C20orf96: variants seen among roughly 807,000 people sequenced by gnomAD.
The protein encoded by C20orf96 is uncharacterized protein C20orf96.
A neutral mutation model predicts 52.6 loss-of-function variants in C20orf96; 57 were observed. The ratio of observed to expected loss-of-function variants is 1.08; its 90% CI spans 0.88 to 1.35. The LOEUF is 1.35. Among genes scored for constraint, C20orf96 ranks in the 40% most tolerant of loss-of-function variants. The probability of loss-of-function intolerance (pLI) is 0.00; values close to 1 mark genes in which losing one functional copy is unlikely to be tolerated. For synonymous variants in C20orf96, 168 were observed against 157.2 expected, an observed-to-expected ratio of 1.07 and a Z score of -0.51; for missense variants, 478 against 443.6, an observed-to-expected ratio of 1.08 and a Z score of -0.70.
chr20:290,484 A>G (rs1230007475), intron 1 of C20orf96, 107 bp downstream of exon 1: 1 of 1,483,602 alleles, frequency 6.7e-7, no homozygotes. Flanking sequence ...CGGGGGTCAG[A>G]AGACCGAGGG....
In C20orf96 at chr20:279,205, C is replaced by A. The variant is rs1600187226; in HGVS notation, c.432G>T (p.Val144=). 1 of 1,606,536 alleles carries A rather than the reference C, an allele frequency of 6.2e-7. No homozygotes were observed. The highest frequency in any genetic ancestry group is 8.5e-7 in the Non-Finnish European group (1 of 1,178,016). ...TGTCCTGCTGCTGCAGCAGGGCCCGCACGTGCAGGGTCGTGCTGTTCTCCA... is the reference window on the plus strand; with the variant it reads ...TGTCCTGCTGCTGCAGCAGGGCCCGAACGTGCAGGGTCGTGCTGTTCTCCA... The part of the protein sequence containing the change: ...QEMENSTTLH[V]RALLQQQDTL... The change falls in exon 5 of 11, where the codon GTG becomes GTT. Residue 144 remains valine (V), a synonymous_variant. Coordinates refer to ENST00000360321, the MANE Select transcript of C20orf96 (RefSeq NM_153269.3).
Position 278,385 on chromosome 20 carries a change from C to T in C20orf96, c.510G>A (p.Gln170=). 1 of 1,614,022 alleles carries T rather than the reference C, an allele frequency of 6.2e-7. No individual in the cohort carries two copies. The highest frequency in any genetic ancestry group is 1.7e-4 in the Middle Eastern group (1 of 6,060). The change falls in exon 6 of 11, where the codon CAG becomes CAA. Residue 170 remains glutamine (Q), a synonymous_variant. Coordinates refer to ENST00000360321, the MANE Select transcript of C20orf96 (RefSeq NM_153269.3). ...ILEYSNKKRL[Q]QLKSELQEWE... ...ACTCCTGAAGCTCAGATTTCAATTG[C>T]TGCAGCCTCTTCTTGTTTGAGTACT...
Position 279,279 on chromosome 20 carries a change from TC to T in C20orf96, c.357del (p.Asn120ThrfsTer10), listed in dbSNP as rs752380206. 6.2e-7 allele frequency: 1 copy of T among 1,609,966 alleles called. No homozygotes were observed. The highest frequency in any genetic ancestry group is 1.1e-5 in the South Asian group (1 of 91,030). ...RAALRELRSR[E>X]NFLSKLNREL... ...TCCCGGTTGAGCTTGCTGAGGAAGT[TC>T]TCACGGCTTCGGAGCTCTCGCAGAG... On this transcript the variant is annotated frameshift_variant, in exon 5 of 11. Coordinates refer to ENST00000360321, the MANE Select transcript of C20orf96 (RefSeq NM_153269.3). LOFTEE classifies it high-confidence loss of function.
chr20:290,189 G>C (rs2012500669), intron 2 of C20orf96, 70 bp downstream of exon 2: 2 of 1,231,054 alleles, frequency 1.6e-6, no homozygotes, highest in Non-Finnish European at 1.2e-6. Flanking sequence ...TCACGACCGT[G>C]AGAGTGGAGA....
rs549797796 is a variant in C20orf96, at chr20:274,329, GGTGA to G, written c.1031+1635_1031+1638del. On this transcript the variant is annotated intron_variant, in intron 10 of 10. Transcript: ENST00000360321. Reference sequence around the variant, plus strand: ...GGAAAGGGGGTATGACCACCAGAATGGTGAGTGTGAGGAGAGGAAGGGGACACAG... The same window carrying G: ...GGAAAGGGGGTATGACCACCAGAATGGTGTGAGGAGAGGAAGGGGACACAG... 1.9e-3 allele frequency among the ~76,000 whole-genome samples: 283 copies of G among 152,188 alleles called. 1 individual carries two copies. Among genetic ancestry groups the G allele is most frequent in the Non-Finnish European group, 3.3e-3 (223 of 68,004 alleles).
At chr20:276,335 C>A (rs548543406) in intron 9 of C20orf96, 1 of 985,174 alleles carries the variant, frequency 1.0e-6, no homozygotes, top group South Asian at 4.7e-5. Context: ...TACAAAGTGG[C>A]GGGGAATGCT....
chr20:288,566 C>G (rs1055075866), intron 3 of C20orf96, among the ~76,000 whole-genome samples: 1 of 152,176 alleles, frequency 6.6e-6, no homozygotes, highest in East Asian at 1.9e-4. Flanking sequence ...CTCCCCTCCC[C>G]CAGCCTACCT....
At chr20:276,688 C>T (rs1047111536) in intron 9 of C20orf96, 105 bp downstream of exon 9, 25 of 1,521,780 alleles carry the variant, frequency 1.6e-5, no homozygotes, top group African/African-American at 2.8e-5. Flanking sequence ...AGTCAGAGAC[C>T]TCCTGAGCGC....
intron 10 of C20orf96, 131 bp downstream of exon 10, chr20:275,837 A>G: frequency 1.2e-6 from 1 of 840,530 alleles, no homozygotes; most frequent in Non-Finnish European, 2.0e-6. Context: ...CAAGGTGGAA[A>G]CCCAGGACCG....
intron 3 of C20orf96, among the ~76,000 whole-genome samples, chr20:287,779 C>G (rs1336676583): frequency 1.3e-5 from 2 of 151,928 alleles, no homozygotes; most frequent in African/African-American, 2.4e-5. Flanking sequence ...CATGGTGGCA[C>G]ACGCCTTCAG....
Position 271,215 on chromosome 20 carries a change from G to A in C20orf96, c.1084C>T (p.Pro362Ser). 6.4e-7 allele frequency: 1 copy of A among 1,555,400 alleles called. No homozygotes were observed. Among genetic ancestry groups the A allele is most frequent in the Non-Finnish European group, 8.7e-7 (1 of 1,148,938 alleles). The stretch of plus-strand genomic sequence containing the variant: ...GCCCATGGCACTGCCATCTAGAAGG[G>A]TAGTGGCTCTTCCACAGGAATGTTG... ...ILNIPVEEPLPF is the reference protein window; with the variant it reads ...ILNIPVEEPLSF The change falls in exon 11 of 11, where the codon CCC becomes TCC. Residue 362 changes from proline to serine, a missense_variant. Physicochemically the swap from Pro to Ser is moderately conservative, Grantham distance 74. Transcript: ENST00000360321.
At chr20:271,428 G>A (rs2011832561) in intron 10 of C20orf96, among the ~76,000 whole-genome samples, 161 bp from the exon 11 acceptor site, 1 of 149,040 alleles carries the variant, frequency 6.7e-6, no homozygotes, top group African/African-American at 2.5e-5. Context: ...AAGCCCAACT[G>A]TGCATACACA....
At chr20:278,728 G>A (rs911062507) in intron 5 of C20orf96, among the ~76,000 whole-genome samples, 1 of 150,234 alleles carries the variant, frequency 6.7e-6, no homozygotes, top group African/African-American at 2.5e-5. Flanking sequence ...GTGCTATGGT[G>A]CCGCATTTCA....
chr20:274,693 T>A (rs1181020390), intron 10 of C20orf96, among the ~76,000 whole-genome samples: 1 of 152,128 alleles, frequency 6.6e-6, no homozygotes, highest in African/African-American at 2.4e-5. Context: ...CATCAGTCTC[T>A]TTCACCTAGT....
rs77667040 is a variant in C20orf96, at chr20:290,695, A to G, written c.-85T>C. On this transcript the variant is annotated 5_prime_UTR_variant, in exon 1 of 11. Transcript: ENST00000360321. ...TCGGCTTTTCCAACTTCCTTGTCTC[A>G]GTGTAGATCGCGCGGTAACCCAGGC... 9.2e-3 allele frequency: 14,289 copies of G among 1,552,548 alleles called. 1,147 individuals are homozygous for G. In the African/African-American group the frequency reaches 0.17, roughly 19 times the overall value.
chr20:283,838 C>T (rs2012312731), intron 4 of C20orf96, 125 bp downstream of exon 4: 2 of 712,206 alleles, frequency 2.8e-6, no homozygotes, highest in Non-Finnish European at 2.5e-6. Flanking sequence ...AGCGTGCTCA[C>T]ACAGTTCCTG....
chr20:275,241 G>A (rs6081706), intron 10 of C20orf96, among the ~76,000 whole-genome samples: 70,579 of 151,980 alleles, frequency 0.46, 16,475 homozygotes, highest in East Asian at 0.52. Flanking sequence ...CCATGAGGGC[G>A]GGACCAAGGA....
intron 5 of C20orf96, among the ~76,000 whole-genome samples, chr20:278,878 G>T (rs779565278): frequency 1.8e-5 from 2 of 110,186 alleles, no homozygotes; most frequent in African/African-American, 7.6e-5. Context: ...CCAGGTGGAG[G>T]AAGCACCACG....
In C20orf96 at chr20:286,406, A is replaced by G. The variant is rs377736120; in HGVS notation, c.188-2325T>C. On this transcript the variant is annotated intron_variant, in intron 3 of 10. Coordinates refer to ENST00000360321, the MANE Select transcript of C20orf96 (RefSeq NM_153269.3). ...GTGGTGCACGCCTGTAATCCCAGCT[A>G]CTTGGGAGGCTGAGGCAGGGGAATC... Among the ~76,000 whole-genome samples the G allele has an allele frequency of 4.6e-5, 7 of 151,850 alleles. No individual in the cohort carries two copies. In the East Asian group the frequency reaches 9.7e-4, roughly 21 times the overall value.
Sources: gnomAD v4.1 joint callset for allele counts (sites outside exome capture counted in the v4.1 genomes callset) on GRCh38, gnomAD v4.1.1 for gene constraint, MANE v1.5 for transcripts, NCBI Gene and HGNC (gene_info 2026-07-23, HGNC 2026-07-21) for gene names.